ACOT7: variants seen among roughly 807,000 people sequenced by gnomAD.
ACOT7 encodes the protein acyl-CoA thioesterase 7.
Under a neutral mutation model 40.2 loss-of-function variants are expected in ACOT7, and 12 were observed. The ratio of observed to expected loss-of-function variants is 0.30; its 90% CI spans 0.19 to 0.48. The LOEUF (loss-of-function observed/expected upper bound fraction) is 0.48, where lower values mean the gene tolerates loss of function less well. Ranked by LOEUF, ACOT7 falls within the 20% of genes least tolerant of loss-of-function variation. ACOT7 has a pLI of 0.99. For synonymous variants in ACOT7, 228 were observed against 219.5 expected (o/e 1.04, Z -0.34); for missense variants, 395 against 530.8 (o/e 0.74, Z 2.51).
chr1:6,293,492 T>C (rs1442557561), intron 7 of ACOT7, among the ~76,000 whole-genome samples: 1 of 152,194 alleles, frequency 6.6e-6, no homozygotes, highest in Admixed American at 6.5e-5. Flanking sequence ...CAAACATCTA[T>C]TGGTCAAGAA....
chr1:6,385,641 CGG>C (rs746632593), intron 1 of ACOT7: 2 of 1,612,218 alleles, frequency 1.2e-6, no homozygotes. Flanking sequence ...CTCACAGAGC[CGG>C]AGAGCCCTGG....
intron 2 of ACOT7, among the ~76,000 whole-genome samples, chr1:6,341,298 C>T (rs1281602148): frequency 6.6e-6 from 1 of 151,830 alleles, no homozygotes; most frequent in African/African-American, 2.4e-5. Flanking sequence ...TGCACCACCA[C>T]GCCTGGCTAA....
chr1:6,272,994 CTG>C (rs1179392264), intron 8 of ACOT7, among the ~76,000 whole-genome samples: 1 of 152,252 alleles, frequency 6.6e-6, no homozygotes. Flanking sequence ...ATCCCACACT[CTG>C]TTGTATGCCC....
At chr1:6,360,365 C>G (rs949482035) in intron 1 of ACOT7, among the ~76,000 whole-genome samples, 3 of 152,224 alleles carry the variant, frequency 2.0e-5, no homozygotes, top group Non-Finnish European at 4.4e-5. Context: ...ACCCAGGCAG[C>G]CTGCCGGGGC....
chr1:6,385,945 C>T (rs1571358347), intron 1 of ACOT7: 7 of 784,740 alleles, frequency 8.9e-6, no homozygotes, highest in African/African-American at 7.0e-5. Context: ...GGAAACAGGA[C>T]AGGGCCACCA....
intron 5 of ACOT7, among the ~76,000 whole-genome samples, 189 bp downstream of exon 5, chr1:6,327,110 G>A (rs780196680): frequency 2.0e-5 from 3 of 152,174 alleles, no homozygotes; most frequent in Non-Finnish European, 1.5e-5. Context: ...TGACTGGAGG[G>A]GTCTACATGG....
In ACOT7 at chr1:6,322,615, G is replaced by A. The variant is rs370881705; in HGVS notation, c.626-4037C>T. On this transcript the variant is annotated intron_variant, in intron 5 of 8. Coordinates refer to ENST00000361521, the MANE Select transcript of ACOT7 (RefSeq NM_007274.4). ...GGGCTTGTAGATGCCGCCTTCCCCC[G>A]TGTCCTCACAGGGTTGTTCCTCTGT... 3.7e-4 allele frequency among the ~76,000 whole-genome samples: 57 copies of A among 152,314 alleles called. No individual in the cohort carries two copies. The South Asian group carries it at 9.9e-3, about 27-fold the overall frequency.
intron 5 of ACOT7, among the ~76,000 whole-genome samples, chr1:6,326,229 G>A (rs1231350339): frequency 6.6e-6 from 1 of 152,226 alleles, no homozygotes; most frequent in Non-Finnish European, 1.5e-5. Context: ...ACCACCATGT[G>A]TGCAGTAGGG....
chr1:6,347,682 G>A (rs568003877), intron 2 of ACOT7, among the ~76,000 whole-genome samples: 18 of 152,014 alleles, frequency 1.2e-4, no homozygotes, highest in Non-Finnish European at 1.6e-4. Flanking sequence ...CAGGAGAATC[G>A]CTTGAACCTG....
intron 7 of ACOT7, among the ~76,000 whole-genome samples, chr1:6,292,329 G>C (rs1208918698): frequency 2.0e-5 from 3 of 152,368 alleles, no homozygotes; most frequent in South Asian, 4.1e-4. Flanking sequence ...TGTGGCTTGG[G>C]ACAGCGGGAA....
At chr1:6,305,757 CAG>C (rs1640130772) in intron 6 of ACOT7, among the ~76,000 whole-genome samples, 1 of 149,990 alleles carries the variant, frequency 6.7e-6, no homozygotes, top group Admixed American at 6.7e-5. Flanking sequence ...GGCGGCCAGG[CAG>C]AGACGCTCCT....
intron 1 of ACOT7, among the ~76,000 whole-genome samples, chr1:6,380,825 T>G (rs535066115): frequency 2.6e-5 from 4 of 151,492 alleles, no homozygotes; most frequent in Admixed American, 6.6e-5. Flanking sequence ...GATTTGGTGA[T>G]GATTTCTTGG....
chr1:6,341,753 T>A (rs7543934), intron 2 of ACOT7, among the ~76,000 whole-genome samples: 47,966 of 150,606 alleles, frequency 0.32, 11,518 homozygotes, highest in African/African-American at 0.7. Flanking sequence ...AAAAAAAAAA[T>A]TTTTTTCAAT....
At chr1:6,346,826 T>C (rs1641439624) in intron 2 of ACOT7, among the ~76,000 whole-genome samples, 1 of 151,930 alleles carries the variant, frequency 6.6e-6, no homozygotes, top group Non-Finnish European at 1.5e-5. Context: ...TCCTGGAAGG[T>C]AGAGCAGTGG....
At chr1:6,313,681 G>C (rs1350927589) in intron 6 of ACOT7, among the ~76,000 whole-genome samples, 1 of 152,198 alleles carries the variant, frequency 6.6e-6, no homozygotes, top group African/African-American at 2.4e-5. Flanking sequence ...CTGATGAAGA[G>C]ATAGGCAACA....
chr1:6,374,912 T>C (rs1642197833), intron 1 of ACOT7, among the ~76,000 whole-genome samples: 1 of 152,232 alleles, frequency 6.6e-6, no homozygotes, highest in South Asian at 2.1e-4. Context: ...CTGTTCATCC[T>C]GATCAGTTAC....
At chr1:6,293,161 T>C (rs1182720855) in intron 7 of ACOT7, among the ~76,000 whole-genome samples, 1 of 152,194 alleles carries the variant, frequency 6.6e-6, no homozygotes, top group Non-Finnish European at 1.5e-5. Context: ...AGTGCTGGCA[T>C]TACAGGCGTG....
intron 1 of ACOT7, among the ~76,000 whole-genome samples, chr1:6,366,618 G>A (rs1450061473): frequency 6.7e-6 from 1 of 150,334 alleles, no homozygotes; most frequent in Non-Finnish European, 1.5e-5. Flanking sequence ...TTTCTCTGTA[G>A]CATGCAATGT....
intron 4 of ACOT7, among the ~76,000 whole-genome samples, chr1:6,329,698 C>G (rs1640902533): frequency 6.6e-6 from 1 of 152,110 alleles, no homozygotes; most frequent in African/African-American, 2.4e-5. Context: ...GCACCTAACT[C>G]TCACCCCCGA....
Sources: gnomAD v4.1 joint callset for allele counts (sites outside exome capture counted in the v4.1 genomes callset) on GRCh38, gnomAD v4.1.1 for gene constraint, MANE v1.5 for transcripts, NCBI Gene and HGNC (gene_info 2026-07-23, HGNC 2026-07-21) for gene names.